The following CCDC141 variants were observed in gnomAD, a reference collection of about 807,000 sequenced individuals.
The protein encoded by CCDC141 is coiled-coil domain-containing protein 141.
Under a neutral mutation model 181.0 loss-of-function variants are expected in CCDC141, and 168 were observed. The observed-to-expected ratio is 0.93, with a 90% confidence interval of 0.82 to 1.05. The LOEUF is 1.05. CCDC141 is among the 50% of genes least tolerant of loss of function. The pLI is 0.00. For missense variants in CCDC141, 1,902 were observed against 1,788.5 expected (o/e 1.06, Z -1.14); for synonymous variants, 666 against 642.3 (o/e 1.04, Z -0.56).
chr2:178,868,269 TA>T (rs1685943280), intron 15 of CCDC141, 64 bp from the exon 16 acceptor site: 1 of 1,411,642 alleles, frequency 7.1e-7, no homozygotes, highest in Non-Finnish European at 9.9e-7. Context: ...TTTTTAAGCC[TA>T]ATTTCTATAG....
chr2:178,918,282 C>T (rs1010212413), intron 7 of CCDC141, among the ~76,000 whole-genome samples: 11 of 151,948 alleles, frequency 7.2e-5, no homozygotes, highest in African/African-American at 2.7e-4. Context: ...GTGGCATGTG[C>T]CTATGATTCC....
At chr2:178,940,003 A>T in intron 6 of CCDC141, among the ~76,000 whole-genome samples, 1 of 152,242 alleles carries the variant, frequency 6.6e-6, no homozygotes, top group Non-Finnish European at 1.5e-5. Flanking sequence ...TGCACTGGAC[A>T]GACCAAAAAT....
At chr2:179,042,508 T>C (rs1394158393) in intron 2 of CCDC141, among the ~76,000 whole-genome samples, 1 of 152,142 alleles carries the variant, frequency 6.6e-6, no homozygotes, top group Admixed American at 6.6e-5. Flanking sequence ...CCACTACACC[T>C]GGCTAATTTT....
At chr2:178,903,156 G>A (rs995412611) in intron 8 of CCDC141, among the ~76,000 whole-genome samples, 3 of 147,280 alleles carry the variant, frequency 2.0e-5, no homozygotes, top group African/African-American at 4.9e-5. Context: ...TACACTGTTC[G>A]TGGGACTGTA....
At position 178,866,226 on chromosome 2, in the gene CCDC141, A is replaced by G. The variant is rs1001587318; in HGVS notation, c.2575-310T>C. ...CTTCAAAAGGCATAAAATATGCATTAGAAACATTTGATTTCTGCACTATAA... is the reference window on the plus strand; with the variant it reads ...CTTCAAAAGGCATAAAATATGCATTGGAAACATTTGATTTCTGCACTATAA... On this transcript the variant is annotated intron_variant, in intron 16 of 23. Transcript: ENST00000443758. Among the ~76,000 whole-genome samples, 4 of 152,228 alleles carry G rather than the reference A, an allele frequency of 2.6e-5. No homozygotes were observed. In the East Asian group the frequency reaches 7.7e-4, roughly 29 times the overall value.
intron 2 of CCDC141, among the ~76,000 whole-genome samples, chr2:179,043,725 A>G (rs1470733052): frequency 6.6e-6 from 1 of 152,198 alleles, no homozygotes; most frequent in Admixed American, 6.5e-5. Context: ...TATTATACTG[A>G]ATGGGCAGAA....
chr2:178,888,711 T>G, intron 8 of CCDC141, 43 bp from the exon 9 acceptor site: 1 of 1,546,458 alleles, frequency 6.5e-7, no homozygotes. Flanking sequence ...CACCCCAATA[T>G]AGAACACAGA....
intron 11 of CCDC141, among the ~76,000 whole-genome samples, chr2:178,880,937 T>C (rs1305758328): frequency 1.3e-5 from 2 of 152,184 alleles, no homozygotes; most frequent in African/African-American, 4.8e-5. Context: ...TGGAGGAGTC[T>C]ACAGGATACA....
rs762557906 is a variant in CCDC141 at position 178,853,560 on chromosome 2, C to T, written c.3125G>A (p.Cys1042Tyr). The change falls in exon 20 of 24, where the codon TGC becomes TAC. Residue 1042 changes from cysteine (C) to tyrosine (Y), a missense_variant. Physicochemically the swap from Cys to Tyr is radical, Grantham distance 194 (BLOSUM62 -2). Coordinates refer to ENST00000443758, the MANE Select transcript of CCDC141 (RefSeq NM_173648.4). ...VVRVGKYSTE[C>Y]KTKEAVKILH... Reference sequence around the variant, plus strand: ...AATTTTCACAGCTTCCTTTGTCTTGCACTCTGTGGAATATTTTCCAACTCT... The same window carrying T: ...AATTTTCACAGCTTCCTTTGTCTTGTACTCTGTGGAATATTTTCCAACTCT... The T allele has an allele frequency of 1.2e-5, 19 of 1,613,998 alleles. No homozygotes were observed. The highest frequency in any genetic ancestry group is 1.6e-4 in the Middle Eastern group (1 of 6,084).
chr2:178,911,720 CAA>C (rs1048334410), intron 7 of CCDC141, among the ~76,000 whole-genome samples: 2 of 152,134 alleles, frequency 1.3e-5, no homozygotes, highest in African/African-American at 4.8e-5. Flanking sequence ...ATTCATCCGA[CAA>C]AAGTTTTTTG....
intron 2 of CCDC141, among the ~76,000 whole-genome samples, chr2:179,040,383 T>TA (rs1238484787): frequency 1.3e-5 from 2 of 152,224 alleles, no homozygotes; most frequent in Non-Finnish European, 2.9e-5. Context: ...TTTCCAACTT[T>TA]AATTTTAAGT....
chr2:178,866,347 G>A (rs1685849838), intron 16 of CCDC141, among the ~76,000 whole-genome samples: 1 of 152,276 alleles, frequency 6.6e-6, no homozygotes, highest in Non-Finnish European at 1.5e-5. Context: ...GGCCAGAAGA[G>A]GATTGGAGAA....
At chr2:178,870,834 C>A (rs1052141102) in intron 14 of CCDC141, among the ~76,000 whole-genome samples, 1 of 152,006 alleles carries the variant, frequency 6.6e-6, no homozygotes, top group Non-Finnish European at 1.5e-5. Flanking sequence ...CAATTTTTGG[C>A]GGTTGTGTCA....
intron 2 of CCDC141, among the ~76,000 whole-genome samples, chr2:179,024,912 T>TA (rs923680500): frequency 4.6e-5 from 7 of 151,964 alleles, no homozygotes; most frequent in Non-Finnish European, 7.4e-5. Flanking sequence ...AAAAACTTTT[T>TA]AAAAAAAACA....
At chr2:178,854,763 C>T (rs998271259) in intron 19 of CCDC141, among the ~76,000 whole-genome samples, 2 of 152,116 alleles carry the variant, frequency 1.3e-5, no homozygotes, top group Non-Finnish European at 2.9e-5. Context: ...TTCTGTATCT[C>T]AAACAATAAT....
At position 178,969,076 on chromosome 2, in the gene CCDC141, T is replaced by C. The variant is rs185453209; in HGVS notation, c.526+5981A>G. On this transcript the variant is annotated intron_variant, in intron 4 of 23. Coordinates refer to ENST00000443758, the MANE Select transcript of CCDC141 (RefSeq NM_173648.4). Reference sequence around the variant, plus strand: ...AATACACCAATAACAAGTTCTGAAATTGAGGCAGTAATTAATAGCTTACCA... The same window carrying C: ...AATACACCAATAACAAGTTCTGAAACTGAGGCAGTAATTAATAGCTTACCA... Among the ~76,000 whole-genome samples, 266 of 121,230 alleles carry C rather than the reference T, an allele frequency of 2.2e-3. 2 individuals carry two copies. The highest frequency in any genetic ancestry group is 0.019 in the East Asian group (72 of 3,756). 79.5% of individuals were successfully genotyped at this position (121,230 alleles called of 152,430 possible).
intron 7 of CCDC141, among the ~76,000 whole-genome samples, chr2:178,917,236 T>C (rs1688493250): frequency 6.6e-6 from 1 of 152,178 alleles, no homozygotes; most frequent in Non-Finnish European, 1.5e-5. Flanking sequence ...AGTCTCTTAT[T>C]CAAAAACAGA....
chr2:178,987,977 C>T (rs1691836963), intron 2 of CCDC141, among the ~76,000 whole-genome samples: 1 of 151,046 alleles, frequency 6.6e-6, no homozygotes, highest in South Asian at 2.1e-4. Context: ...GGGTATATAC[C>T]CAAAGGACTA....
At chr2:178,967,530 A>G (rs36186285) in intron 4 of CCDC141, among the ~76,000 whole-genome samples, 25,392 of 152,162 alleles carry the variant, frequency 0.17, 2,218 homozygotes, top group Middle Eastern at 0.2. Flanking sequence ...CTTTATAGAC[A>G]AGGAAATGCT....
Sources: allele counts gnomAD v4.1 joint callset (sites outside exome capture counted in the v4.1 genomes callset), GRCh38; gene constraint gnomAD v4.1.1; transcripts MANE v1.5; gene names NCBI Gene and HGNC (gene_info 2026-07-23, HGNC 2026-07-21).